The following CSMD3 variants were observed in gnomAD, a reference collection of about 807,000 sequenced individuals.
The protein encoded by CSMD3 is CUB and sushi domain-containing protein 3.
A neutral mutation model predicts 435.2 loss-of-function variants in CSMD3; 177 were observed. The ratio of observed to expected loss-of-function variants is 0.41; its 90% CI spans 0.36 to 0.46. CSMD3 has a LOEUF of 0.46. Among genes scored for constraint, CSMD3 ranks in the 20% least tolerant of loss-of-function variants. The pLI, the probability that CSMD3 is intolerant of heterozygous loss-of-function variation, is 0.34. For synonymous variants in CSMD3, 1,656 were observed against 1,520.5 expected, an observed-to-expected ratio of 1.09 and a Z score of -2.07; for missense variants, 4,265 against 4,504.6, an observed-to-expected ratio of 0.95 and a Z score of 1.52.
intron 32 of CSMD3, among the ~76,000 whole-genome samples, chr8:112,428,430 A>ATC (rs986819018): frequency 9.8e-5 from 15 of 152,290 alleles, no homozygotes; most frequent in African/African-American, 3.6e-4. Context: ...GGGGAAAAAA[A>ATC]CAAGAAAACC....
At chr8:113,137,288 AGAGT>A (rs1264691197) in intron 4 of CSMD3, among the ~76,000 whole-genome samples, 2 of 151,734 alleles carry the variant, frequency 1.3e-5, no homozygotes, top group Admixed American at 6.6e-5. Flanking sequence ...GTCTAGAAAT[AGAGT>A]TAGTCTATAA....
chr8:112,333,096 G>A (rs1824216456), intron 45 of CSMD3, among the ~76,000 whole-genome samples: 1 of 152,164 alleles, frequency 6.6e-6, no homozygotes, highest in Non-Finnish European at 1.5e-5. Flanking sequence ...AGATCAAAGT[G>A]TAACTTGTCC....
intron 36 of CSMD3, among the ~76,000 whole-genome samples, chr8:112,386,520 CAG>C (rs1001280787): frequency 3.3e-5 from 5 of 151,794 alleles, no homozygotes; most frequent in African/African-American, 7.3e-5. Context: ...CTTTTTTAGA[CAG>C]AGTCTCGCTC....
intron 1 of CSMD3, among the ~76,000 whole-genome samples, chr8:113,316,637 C>G (rs934765151): frequency 7.2e-5 from 11 of 151,816 alleles, no homozygotes; most frequent in South Asian, 6.2e-4. Flanking sequence ...GCAACCTCCC[C>G]CTCCTGGGTT....
Position 113,329,781 on chromosome 8 carries a change from T to C in CSMD3, c.179-14988A>G, listed in dbSNP as rs181058698. ...GATTAACAATGATTAAGGCCAAAAG[T>C]TGTAGAATTACATGTTTAAAGGAAT... On this transcript the variant is annotated intron_variant, in intron 1 of 70. Coordinates refer to ENST00000297405, the MANE Select transcript of CSMD3 (RefSeq NM_198123.2). 9.4e-4 allele frequency among the ~76,000 whole-genome samples: 143 copies of C among 152,042 alleles called. 1 individual carries two copies. The highest frequency in any genetic ancestry group is 4.0e-4 in the Non-Finnish European group (27 of 67,958).
intron 13 of CSMD3, among the ~76,000 whole-genome samples, chr8:112,783,760 C>A (rs2078462829): frequency 6.8e-6 from 1 of 146,870 alleles, no homozygotes; most frequent in African/African-American, 2.5e-5. Flanking sequence ...ATATTCCATG[C>A]AAAAGGAAAC....
intron 1 of CSMD3, among the ~76,000 whole-genome samples, chr8:113,377,409 C>T (rs1318541174): frequency 1.3e-5 from 2 of 152,128 alleles, no homozygotes; most frequent in Admixed American, 6.5e-5. Context: ...AGTGATTTAT[C>T]TATTTCTTAT....
intron 17 of CSMD3, among the ~76,000 whole-genome samples, chr8:112,663,371 C>A (rs566001776): frequency 6.6e-6 from 1 of 150,930 alleles, no homozygotes; most frequent in East Asian, 2.0e-4. Context: ...CCATTCTCAG[C>A]AAACTATCGC....
At chr8:112,528,743 A>T (rs1825232626) in intron 27 of CSMD3, among the ~76,000 whole-genome samples, 4 of 152,138 alleles carry the variant, frequency 2.6e-5, no homozygotes, top group African/African-American at 9.7e-5. Flanking sequence ...AGAGAGATCC[A>T]GAACACCCTC....
intron 3 of CSMD3, among the ~76,000 whole-genome samples, chr8:113,222,103 G>A (rs1441939647): frequency 6.6e-6 from 1 of 151,098 alleles, no homozygotes; most frequent in East Asian, 1.9e-4. Context: ...GATGACAAAA[G>A]GATTACTGTT....
At chr8:113,022,083 A>G (rs1335996179) in intron 5 of CSMD3, among the ~76,000 whole-genome samples, 1 of 152,174 alleles carries the variant, frequency 6.6e-6, no homozygotes, top group African/African-American at 2.4e-5. Flanking sequence ...GGTTTGGTTT[A>G]TGGCTTATGG....
intron 2 of CSMD3, among the ~76,000 whole-genome samples, chr8:113,294,957 A>T (rs2093709485): frequency 6.6e-6 from 1 of 152,188 alleles, no homozygotes; most frequent in Non-Finnish European, 1.5e-5. Flanking sequence ...AATGTTTTAC[A>T]CATTTAATCC....
intron 9 of CSMD3, among the ~76,000 whole-genome samples, chr8:112,934,182 T>C (rs1417247501): frequency 6.6e-6 from 1 of 152,120 alleles, no homozygotes; most frequent in Admixed American, 6.6e-5. Context: ...TGTTACACAT[T>C]GTAATTACAA....
intron 10 of CSMD3, among the ~76,000 whole-genome samples, chr8:112,881,489 A>G (rs1335209043): frequency 6.6e-6 from 1 of 152,058 alleles, no homozygotes; most frequent in Non-Finnish European, 1.5e-5. Context: ...TGTTTCTATG[A>G]ATTGTTAAGA....
At chr8:112,246,623 T>A (rs186524002) in intron 64 of CSMD3, among the ~76,000 whole-genome samples, 1 of 152,258 alleles carries the variant, frequency 6.6e-6, no homozygotes, top group Non-Finnish European at 1.5e-5. Context: ...GTTGTTAGTT[T>A]CCCCAGATTC....
intron 6 of CSMD3, among the ~76,000 whole-genome samples, chr8:113,002,079 T>A (rs189542776): frequency 1.3e-5 from 2 of 152,204 alleles, no homozygotes; most frequent in Non-Finnish European, 2.9e-5. Context: ...TTGTAGAAGT[T>A]GTAACAGCTG....
intron 1 of CSMD3, among the ~76,000 whole-genome samples, chr8:113,419,518 T>G (rs192346407): frequency 4.6e-5 from 7 of 152,256 alleles, no homozygotes; most frequent in Admixed American, 3.3e-4. Flanking sequence ...AAAGCTCTGC[T>G]TGGTGTTGGG....
chr8:112,572,791 C>G (rs1044073290), intron 24 of CSMD3, among the ~76,000 whole-genome samples: 1 of 151,904 alleles, frequency 6.6e-6, no homozygotes, highest in African/African-American at 2.4e-5. Flanking sequence ...GAATCCTGAA[C>G]GGAGTAGAAA....
intron 4 of CSMD3, among the ~76,000 whole-genome samples, chr8:113,112,447 A>G (rs1379511344): frequency 3.0e-5 from 1 of 32,886 alleles, no homozygotes; most frequent in East Asian, 1.1e-3. Context: ...ATATATATAT[A>G]TGTATATACA....
Sources: allele counts gnomAD v4.1 joint callset (sites outside exome capture counted in the v4.1 genomes callset), GRCh38; gene constraint gnomAD v4.1.1; transcripts MANE v1.5; gene names NCBI Gene and HGNC (gene_info 2026-07-23, HGNC 2026-07-21).